The following UBAC2 variants were observed in gnomAD, a reference collection of about 807,000 sequenced individuals.
UBAC2 encodes ubiquitin-associated domain-containing protein 2.
In UBAC2, 26 loss-of-function variants were observed where a neutral mutation model predicts 44.0. The observed-to-expected ratio is 0.59, with a 90% CI of 0.43 to 0.82. The LOEUF (loss-of-function observed/expected upper bound fraction) is 0.82, where lower values mean the gene tolerates loss of function less well. Ranked by LOEUF, UBAC2 falls within the 40% of genes least tolerant of loss-of-function variation. UBAC2 has a pLI of 0.00. For missense variants in UBAC2, 329 were observed against 419.4 expected (o/e 0.78, Z 1.88); for synonymous variants, 155 against 154.3 (o/e 1.00, Z -0.04).
chr13:99,303,312 C>G (rs190778711), intron 4 of UBAC2, among the ~76,000 whole-genome samples: 3 of 152,238 alleles, frequency 2.0e-5, no homozygotes, highest in African/African-American at 7.2e-5. Context: ...AGACCCACTT[C>G]GGCTTCATAG....
At chr13:99,349,369 G>A (rs959192734) in intron 7 of UBAC2, among the ~76,000 whole-genome samples, 6 of 152,190 alleles carry the variant, frequency 3.9e-5, no homozygotes, top group African/African-American at 7.2e-5. Flanking sequence ...GGCTTAGCAG[G>A]TGTTCTCCCC....
chr13:99,324,953 G>A (rs918100097), intron 6 of UBAC2, among the ~76,000 whole-genome samples: 1 of 152,102 alleles, frequency 6.6e-6, no homozygotes, highest in Non-Finnish European at 1.5e-5. Context: ...ATGTTCACAC[G>A]ATGACCAGAT....
At chr13:99,370,711 G>C (rs1338250678) in intron 8 of UBAC2, among the ~76,000 whole-genome samples, 3 of 152,170 alleles carry the variant, frequency 2.0e-5, no homozygotes, top group Non-Finnish European at 4.4e-5. Flanking sequence ...GTGTTTTCAA[G>C]AGAAACCACT....
chr13:99,246,871 T>C (rs922682840), intron 4 of UBAC2, among the ~76,000 whole-genome samples: 1 of 152,268 alleles, frequency 6.6e-6, no homozygotes, highest in African/African-American at 2.4e-5. Context: ...TCTCTTCCTT[T>C]TCAAGTCACA....
intron 4 of UBAC2, chr13:99,255,095 C>T (rs2043521491): frequency 6.2e-7 from 1 of 1,614,082 alleles, no homozygotes; most frequent in Non-Finnish European, 8.5e-7. Flanking sequence ...CTGTTCTCCC[C>T]CGTTCCCAGC....
intron 4 of UBAC2, among the ~76,000 whole-genome samples, chr13:99,245,619 G>A (rs896703845): frequency 6.6e-6 from 1 of 152,184 alleles, no homozygotes; most frequent in African/African-American, 2.4e-5. Flanking sequence ...GAGGTGGGCG[G>A]ATCACGAGGT....
At chr13:99,288,748 T>A (rs1161417159) in intron 4 of UBAC2, among the ~76,000 whole-genome samples, 1 of 152,244 alleles carries the variant, frequency 6.6e-6, no homozygotes, top group Non-Finnish European at 1.5e-5. Context: ...ACCAAGCAAG[T>A]ATTAGTTATC....
chr13:99,224,188 C>T (rs1218108346), intron 1 of UBAC2, among the ~76,000 whole-genome samples: 1 of 152,166 alleles, frequency 6.6e-6, no homozygotes, highest in East Asian at 1.9e-4. Flanking sequence ...TTGCAGGAGC[C>T]TGCTGGCTTC....
At position 99,340,484 on chromosome 13, in the gene UBAC2, G is replaced by A; in HGVS notation, c.726G>A (p.Gln242=). The part of the protein sequence containing the change: ...RIGMGATLDI[Q]RQQRMELLDR... Reference sequence around the variant, plus strand: ...GGATGGGAGCCACGCTGGACATCCAGAGACAGCAGAGAATGGAGCTGCTGG... The same window carrying A: ...GGATGGGAGCCACGCTGGACATCCAAAGACAGCAGAGAATGGAGCTGCTGG... The change falls in exon 7 of 9, where the codon CAG becomes CAA. Residue 242 remains glutamine, a synonymous_variant. Transcript: ENST00000403766. 6.2e-7 allele frequency: 1 copy of A among 1,614,200 alleles called. No individual in the cohort carries two copies. The highest frequency in any genetic ancestry group is 1.1e-5 in the South Asian group (1 of 91,082).
intron 1 of UBAC2, among the ~76,000 whole-genome samples, chr13:99,235,624 T>A (rs1661995879): frequency 6.6e-6 from 1 of 152,078 alleles, no homozygotes; most frequent in African/African-American, 2.4e-5. Context: ...ATCCATGCAT[T>A]TGCAGCCAAA....
At chr13:99,244,450 G>A (rs1212653318) in intron 3 of UBAC2, 65 bp from the exon 4 acceptor site, 3 of 1,139,406 alleles carry the variant, frequency 2.6e-6, no homozygotes, top group Non-Finnish European at 3.9e-6. Flanking sequence ...GATTCTAGCT[G>A]AATAAATGTT....
intron 8 of UBAC2, 80 bp downstream of exon 8, chr13:99,367,986 A>AG: frequency 6.5e-7 from 1 of 1,528,736 alleles, no homozygotes; most frequent in Non-Finnish European, 8.9e-7. Flanking sequence ...AGGACTCAAA[A>AG]GTAATCAAGC....
At chr13:99,214,989 T>G (rs2142666170) in intron 1 of UBAC2, among the ~76,000 whole-genome samples, 1 of 150,096 alleles carries the variant, frequency 6.7e-6, no homozygotes, top group African/African-American at 2.4e-5. Context: ...TTCTTTTTGT[T>G]TTTTTTTTTT....
chr13:99,354,525 G>A (rs757857220), intron 7 of UBAC2, among the ~76,000 whole-genome samples: 10 of 152,208 alleles, frequency 6.6e-5, no homozygotes, highest in Non-Finnish European at 1.5e-4. Context: ...GGGAACAGGA[G>A]GGTTTGGGTT....
chr13:99,213,686 T>A (rs1293639934), intron 1 of UBAC2, among the ~76,000 whole-genome samples: 4 of 152,114 alleles, frequency 2.6e-5, no homozygotes, highest in African/African-American at 9.7e-5. Context: ...CGTACTAAAA[T>A]AAGTTTTTTT....
chr13:99,210,473 C>CT (rs2042924841), intron 1 of UBAC2, among the ~76,000 whole-genome samples: 1 of 120,672 alleles, frequency 8.3e-6, no homozygotes. Context: ...TTTTCTTTTT[C>CT]TTTTCTTTTT....
chr13:99,293,150 G>A (rs2044117055), intron 4 of UBAC2, among the ~76,000 whole-genome samples: 1 of 152,134 alleles, frequency 6.6e-6, no homozygotes, highest in Non-Finnish European at 1.5e-5. Flanking sequence ...TTGGCAGTAT[G>A]GTTGCTGATG....
chr13:99,249,855 G>A (rs761048418), intron 4 of UBAC2, among the ~76,000 whole-genome samples: 60 of 152,126 alleles, frequency 3.9e-4, no homozygotes, highest in African/African-American at 1.1e-3. Flanking sequence ...TGTGTTGGCC[G>A]CTTGCGTGTC....
intron 4 of UBAC2, among the ~76,000 whole-genome samples, chr13:99,252,420 T>C (rs2043469729): frequency 1.3e-5 from 2 of 152,258 alleles, no homozygotes; most frequent in Non-Finnish European, 2.9e-5. Flanking sequence ...CCAGTAAGAC[T>C]GTAAGGGAAG....
Sources: gnomAD v4.1 joint callset for allele counts (sites outside exome capture counted in the v4.1 genomes callset) on GRCh38, gnomAD v4.1.1 for gene constraint, MANE v1.5 for transcripts, NCBI Gene and HGNC (gene_info 2026-07-23, HGNC 2026-07-21) for gene names.